DDA1: variants seen among roughly 807,000 people sequenced by gnomAD.
DDA1 encodes DET1 and DDB1 associated 1, also known as DET1- and DDB1-associated protein 1.
A neutral mutation model predicts 18.6 loss-of-function variants in DDA1; 3 were observed. The ratio of observed to expected loss-of-function variants is 0.16; its 90% CI spans 0.07 to 0.42. The LOEUF (loss-of-function observed/expected upper bound fraction) is 0.42. Ranked by LOEUF, DDA1 falls within the 10% of genes least tolerant of loss-of-function variation. The pLI is 0.99. For synonymous variants in DDA1, 52 were observed against 54.0 expected (o/e 0.96, Z 0.17); for missense variants, 105 against 138.2 (o/e 0.76, Z 1.20).
intron 3 of DDA1, among the ~76,000 whole-genome samples, chr19:17,315,421 T>C (rs2074207321): frequency 1.2e-5 from 1 of 82,956 alleles, no homozygotes; most frequent in Non-Finnish European, 2.4e-5. Flanking sequence ...TGTGTGTGTG[T>C]GTGTGTGCAT....
chr19:17,315,330 C>T lies in DDA1; in HGVS notation c.137-604C>T, dbSNP rs2074205299. Among the ~76,000 whole-genome samples, 4 of 109,042 alleles carry T rather than the reference C, an allele frequency of 3.7e-5. 2 individuals are homozygous for T. The highest frequency in any genetic ancestry group is 3.4e-4 in the Admixed American group (4 of 11,886). 71.5% of individuals were successfully genotyped at this position (109,042 alleles called of 152,430 possible). On this transcript the variant is annotated intron_variant, in intron 3 of 4. Coordinates refer to ENST00000359866, the MANE Select transcript of DDA1 (RefSeq NM_024050.6). Reference sequence around the variant, plus strand: ...TATATATATACACGCTATATATATACACACGTATATATATACACGCTATAT... The same window carrying T: ...TATATATATACACGCTATATATATATACACGTATATATATACACGCTATAT...
chr19:17,315,248 C>T lies in DDA1; in HGVS notation c.137-686C>T, dbSNP rs55634667. On this transcript the variant is annotated intron_variant, in intron 3 of 4. Coordinates refer to ENST00000359866, the MANE Select transcript of DDA1 (RefSeq NM_024050.6). ...GTGTATACACACACACGTGTATATACACACACGTGTATATACACACACGTG... is the reference window on the plus strand; with the variant it reads ...GTGTATACACACACACGTGTATATATACACACGTGTATATACACACACGTG... Among the ~76,000 whole-genome samples, 16 of 74,620 alleles carry T rather than the reference C, an allele frequency of 2.1e-4. 2 individuals are homozygous for T. The highest frequency in any genetic ancestry group is 2.7e-4 in the Non-Finnish European group (10 of 36,402). 49.0% of individuals were successfully genotyped at this position (74,620 alleles called of 152,430 possible).
chr19:17,309,759 C>A, intron 1 of DDA1, 102 bp downstream of exon 1: 1 of 1,463,610 alleles, frequency 6.8e-7, no homozygotes, highest in East Asian at 2.5e-5. Flanking sequence ...CCGTTCTGCC[C>A]GGTCCCCTCA....
intron 4 of DDA1, among the ~76,000 whole-genome samples, chr19:17,318,480 C>T (rs896434283): frequency 1.3e-5 from 2 of 152,316 alleles, no homozygotes; most frequent in South Asian, 4.1e-4. Flanking sequence ...ATCCACCCGC[C>T]TTGGCCTCCC....
intron 3 of DDA1, among the ~76,000 whole-genome samples, chr19:17,315,355 TATATAC>T (rs2074206122): frequency 9.7e-6 from 1 of 103,212 alleles, no homozygotes; most frequent in African/African-American, 3.8e-5. Flanking sequence ...ACACGCTATA[TATATAC>T]GCTATATATA....
At chr19:17,315,854 A>G (rs2074210427) in intron 3 of DDA1, 80 bp from the exon 4 acceptor site, 3 of 1,408,580 alleles carry the variant, frequency 2.1e-6, no homozygotes, top group Non-Finnish European at 3.0e-6. Flanking sequence ...TCCAGCCCCA[A>G]AAAGACCTCC....
At chr19:17,315,230 C>T (rs28730402) in intron 3 of DDA1, among the ~76,000 whole-genome samples, 3,002 of 11,538 alleles carry the variant, frequency 0.26, 804 homozygotes, top group African/African-American at 0.65. Flanking sequence ...CACGTGTATA[C>T]ACACACACGT....
At position 17,319,937 on chromosome 19, in the gene DDA1, C is replaced by G; in HGVS notation, c.*281C>G. On this transcript the variant is annotated 3_prime_UTR_variant, in exon 5 of 5. Transcript: ENST00000359866. ...AAAACAACATTGTCCCCCCGACCCC[C>G]GCCTTCCATCGGGCCAGTTCCCCGA... 3.0e-6 allele frequency: 1 copy of G among 336,826 alleles called. No homozygotes were observed. The highest frequency in any genetic ancestry group is 3.6e-5 in the South Asian group (1 of 27,702). 20.9% of individuals were successfully genotyped at this position (336,826 alleles called of 1,614,324 possible).
At chr19:17,311,387 C>T (rs2074178269) in intron 1 of DDA1, among the ~76,000 whole-genome samples, 1 of 151,994 alleles carries the variant, frequency 6.6e-6, no homozygotes, top group South Asian at 2.1e-4. Flanking sequence ...GAACTCCTGA[C>T]CTTGTGATCC....
Position 17,314,020 on chromosome 19 carries a change from T to C in DDA1, c.4-3T>C, listed in dbSNP as rs1208521953. On this transcript the variant is annotated splice_region_variant and splice_polypyrimidine_tract_variant and intron_variant, in intron 1 of 4. Transcript: ENST00000359866. The surrounding 1 kb of genome is among the most constrained non-coding windows in gnomAD (Gnocchi z 4.6). ...CTCATGTACCATCTTCCATGTCTTC[T>C]AGGCAGATTTTTTGAAAGGACTGCC... The C allele has an allele frequency of 6.2e-7, 1 of 1,613,780 alleles. No homozygotes were observed. Among genetic ancestry groups the C allele is most frequent in the Admixed American group, 1.7e-5 (1 of 60,016 alleles).
At chr19:17,312,447 G>A (rs1452271690) in intron 1 of DDA1, among the ~76,000 whole-genome samples, 1 of 152,112 alleles carries the variant, frequency 6.6e-6, no homozygotes, top group African/African-American at 2.4e-5. Context: ...CCACATGGAG[G>A]CATGAGGGGC....
Position 17,314,510 on chromosome 19 carries a change from C to A in DDA1, c.136+121C>A. On this transcript the variant is annotated intron_variant, in intron 3 of 4. Coordinates refer to ENST00000359866, the MANE Select transcript of DDA1 (RefSeq NM_024050.6). The surrounding 1 kb of genome is among the most constrained non-coding windows in gnomAD (Gnocchi z 4.6). ...CCAGGCCATAGACTTGGCTTGGGTT[C>A]ACACGCTGTCTACTGAATCCAGTTA... is the stretch of plus-strand genomic sequence containing the variant. The A allele has an allele frequency of 7.5e-7, 1 of 1,326,460 alleles. No individual in the cohort carries two copies. Among genetic ancestry groups the A allele is most frequent in the Non-Finnish European group, 1.1e-6 (1 of 939,616 alleles). 82.2% of individuals were successfully genotyped at this position (1,326,460 alleles called of 1,614,324 possible). A position where few individuals can be genotyped will look rare whatever the true frequency, so the allele number is the denominator to read the frequency against.
In DDA1 at chr19:17,315,200, T is replaced by C. The variant is rs866005016; in HGVS notation, c.137-734T>C. On this transcript the variant is annotated intron_variant, in intron 3 of 4. Transcript: ENST00000359866. ...ACACACGTGTATACACACACGTGTA[T>C]ACACACGTGTATATACACACACGTG... Among the ~76,000 whole-genome samples the C allele has an allele frequency of 4.2e-3, 58 of 13,760 alleles. 6 individuals are homozygous for C. Among genetic ancestry groups the C allele is most frequent in the Middle Eastern group, 0.033 (1 of 30 alleles). 9.0% of individuals were successfully genotyped at this position (13,760 alleles called of 152,430 possible). A position where few individuals can be genotyped will look rare whatever the true frequency, so the allele number is the denominator to read the frequency against.
intron 3 of DDA1, among the ~76,000 whole-genome samples, chr19:17,315,208 T>TATATACACACACGTGTATACACGCAC (rs1568353761): frequency 4.4e-5 from 1 of 22,982 alleles, no homozygotes; most frequent in African/African-American, 2.0e-4. Flanking sequence ...TATACACACG[T>TATATACACACACGTGTATACACGCAC]GTATATACAC....
rs1378226993 is a variant in DDA1 at position 17,319,538 on chromosome 19, TC to T, written c.199-3del. The stretch of plus-strand genomic sequence containing the variant: ...ACTCACAGCCCCTCTCTTTTCCCTG[TC>T]CCCCAGAACGCTGCCAAGAAGAGAG... On this transcript the variant is annotated splice_polypyrimidine_tract_variant and splice_region_variant and intron_variant, in intron 4 of 4. Transcript: ENST00000359866. 1.3e-6 allele frequency: 2 copies of T among 1,557,266 alleles called. No homozygotes were observed. The highest frequency in any genetic ancestry group is 1.7e-6 in the Non-Finnish European group (2 of 1,150,118).
rs1005157168 is a variant in DDA1, at chr19:17,314,925, G to C, written c.136+536G>C. 1.3e-5 allele frequency among the ~76,000 whole-genome samples: 2 copies of C among 151,930 alleles called. No individual in the cohort carries two copies. The highest frequency in any genetic ancestry group is 6.6e-5 in the Admixed American group (1 of 15,252). On this transcript the variant is annotated intron_variant, in intron 3 of 4. Coordinates refer to ENST00000359866, the MANE Select transcript of DDA1 (RefSeq NM_024050.6). This position sits in a 1 kb window ranked among gnomAD's most constrained non-coding sequence, Gnocchi z 4.6. ...CAGCACAGGAGGACTTGGTCTTGCT[G>C]TCTTAGTTTAACTGTTCAAAAAGAC... is the stretch of plus-strand genomic sequence containing the variant.
At chr19:17,315,220 C>CACGTGTATACACACAT (rs1240697420) in intron 3 of DDA1, among the ~76,000 whole-genome samples, 1 of 25,266 alleles carries the variant, frequency 4.0e-5, no homozygotes, top group Non-Finnish European at 1.1e-4. Context: ...TATATACACA[C>CACGTGTATACACACAT]ACGTGTATAC....
At position 17,315,363 on chromosome 19, in the gene DDA1, CTA is replaced by C. The variant is rs370878072; in HGVS notation, c.137-562_137-561del. On this transcript the variant is annotated intron_variant, in intron 3 of 4. Transcript: ENST00000359866. ...TATATATACACGCTATATATATACG[CTA>C]TATATATACACACGTATATATATAC... Among the ~76,000 whole-genome samples the C allele has an allele frequency of 3.1e-4, 17 of 54,676 alleles. 3 individuals carry two copies. The highest frequency in any genetic ancestry group is 5.6e-4 in the Non-Finnish European group (12 of 21,386). 35.9% of individuals were successfully genotyped at this position (54,676 alleles called of 152,430 possible).
At chr19:17,313,951 CACCCT>C (rs2074190766) in intron 1 of DDA1, 67 bp from the exon 2 acceptor site, 1 of 1,235,892 alleles carries the variant, frequency 8.1e-7, no homozygotes, top group Admixed American at 1.7e-5. Context: ...ACCCAGCAGT[CACCCT>C]GCAGGTGCTC....
Sources: gnomAD v4.1 joint callset for allele counts (sites outside exome capture counted in the v4.1 genomes callset) on GRCh38, gnomAD v4.1.1 for gene constraint, Gnocchi (gnomAD v3.1) non-coding constraint, MANE v1.5 for transcripts, NCBI Gene and HGNC (gene_info 2026-07-23, HGNC 2026-07-21) for gene names.